NFKBID: variants seen among roughly 807,000 people sequenced by gnomAD.
NFKBID encodes NFKB inhibitor delta, also known as NF-kappa-B inhibitor delta.
A neutral mutation model predicts 53.4 loss-of-function variants in NFKBID; 26 were observed. The observed-to-expected ratio is 0.49, with a 90% confidence interval of 0.36 to 0.68. NFKBID has a LOEUF of 0.68. Among genes scored for constraint, NFKBID ranks in the 30% least tolerant of loss-of-function variants. The pLI is 0.00. For missense variants in NFKBID, 493 were observed against 614.1 expected (o/e 0.80, Z 2.08); for synonymous variants, 262 against 259.8 (o/e 1.01, Z -0.08).
chr19:35,897,899 G>T (rs1422602011), intron 3 of NFKBID, 43 bp from the exon 4 acceptor site: 2 of 1,371,818 alleles, frequency 1.5e-6, no homozygotes, highest in African/African-American at 1.4e-5. Context: ...GGTTACCAGA[G>T]TTGGGGACGT....
intron 10 of NFKBID, 82 bp from the exon 11 acceptor site, chr19:35,890,136 T>C: frequency 1.4e-6 from 2 of 1,388,400 alleles, no homozygotes; most frequent in Non-Finnish European, 2.0e-6. Context: ...TTCTGCCTTG[T>C]CTACGTCCTA....
At chr19:35,889,045 C>CAA (rs537535858) in intron 11 of NFKBID, among the ~76,000 whole-genome samples, 1 of 105,814 alleles carries the variant, frequency 9.5e-6, no homozygotes. Flanking sequence ...ACTCCGCCTC[C>CAA]AAAAAAAAAA....
intron 11 of NFKBID, among the ~76,000 whole-genome samples, chr19:35,889,129 T>G (rs1397294882): frequency 1.4e-5 from 2 of 147,686 alleles, no homozygotes; most frequent in Non-Finnish European, 3.0e-5. Flanking sequence ...GGCGGGAGGA[T>G]CAATTGAGGC....
chr19:35,902,162 C>T (rs768946174), upstream of NFKBID: 71 of 702,880 alleles, frequency 1.0e-4, no homozygotes, highest in Non-Finnish European at 1.7e-4. Flanking sequence ...GCCCAAACCT[C>T]GTCACTTTCC....
chr19:35,897,596 G>T, intron 4 of NFKBID, 55 bp downstream of exon 4: 1 of 870,446 alleles, frequency 1.1e-6, no homozygotes, highest in Non-Finnish European at 2.0e-6. Context: ...CTGCAGGAGT[G>T]CAACTGCGAA....
exon 4 of NFKBID, chr19:35,897,706 T>G (rs1266466667): frequency 1.2e-6 from 2 of 1,612,158 alleles, no homozygotes; most frequent in Non-Finnish European, 1.7e-6. Context: ...TGGGTAGAAG[T>G]CAGGAGGCAG....
chr19:35,898,458 C>A lies in NFKBID; in HGVS notation c.226+14G>T. 6.6e-7 allele frequency: 1 copy of A among 1,522,764 alleles called. No homozygotes were observed. The highest frequency in any genetic ancestry group is 8.8e-7 in the Non-Finnish European group (1 of 1,135,726). The allele number at this position is 1,522,764 out of a possible 1,614,324, so 94.3% of individuals were successfully genotyped here. On this transcript the variant is annotated intron_variant, in intron 3 of 11. Transcript: ENST00000641389. ...GGAAGGGGGATGGGGAGGCCGGGAG[C>A]TGAGAGAACTTACCAGTCACAGCCT...
intron 9 of NFKBID, 46 bp from the exon 10 acceptor site, chr19:35,890,536 G>C: frequency 7.6e-7 from 1 of 1,307,694 alleles, no homozygotes; most frequent in Non-Finnish European, 1.1e-6. Context: ...CTCACACCTA[G>C]GTGCCCTCCC....
chr19:35,889,900 C>A, exon 11 of NFKBID: 1 of 1,608,216 alleles, frequency 6.2e-7, no homozygotes, highest in Non-Finnish European at 8.5e-7. Flanking sequence ...CCCCTCAGGG[C>A]CCGGCCCGGG....
At chr19:35,898,884 G>T in intron 1 of NFKBID, 62 bp from the exon 2 acceptor site, 1 of 1,339,046 alleles carries the variant, frequency 7.5e-7, no homozygotes, top group Non-Finnish European at 1.0e-6. Flanking sequence ...ATGCCGCGGG[G>T]GTGGCGCGCG....
intron 3 of NFKBID, 107 bp downstream of exon 3, chr19:35,898,363 AAG>A: frequency 1.4e-6 from 1 of 726,832 alleles, no homozygotes; most frequent in Non-Finnish European, 2.3e-6. Flanking sequence ...AAAAAAAAAA[AAG>A]GGAAGAATGA....
chr19:35,889,573 A>G (rs1240350959), intron 11 of NFKBID, among the ~76,000 whole-genome samples: 1 of 151,658 alleles, frequency 6.6e-6, no homozygotes, highest in Non-Finnish European at 1.5e-5. Context: ...ACCCAAGGTT[A>G]GGGGCAGGGG....
chr19:35,896,477 A>G lies in NFKBID; in HGVS notation c.746T>C (p.Leu249Pro). 6.2e-7 allele frequency: 1 copy of G among 1,614,166 alleles called. No homozygotes were observed. The highest frequency in any genetic ancestry group is 2.2e-5 in the East Asian group (1 of 44,870). The stretch of plus-strand genomic sequence containing the variant: ...GTCAGCGGCATTGGGCTCTGCTCCC[A>G]GGTTCAACAGATCCTCCACAATCAG... Residue 249 changes from leucine to proline, a missense_variant, in exon 7 of 12, where the codon CTG (leucine) becomes CCG (proline). Physicochemically the swap from Leu to Pro is moderately conservative, Grantham distance 98. Coordinates refer to ENST00000641389, the Ensembl canonical transcript of NFKBID. The surrounding 1 kb of genome is among the most constrained non-coding windows in gnomAD (Gnocchi z 5.7).
At chr19:35,893,884 G>C (rs1974953964) in intron 9 of NFKBID, among the ~76,000 whole-genome samples, 1 of 151,790 alleles carries the variant, frequency 6.6e-6, no homozygotes, top group South Asian at 2.1e-4. Context: ...ATGAGTGGCT[G>C]GTTATTGATG....
At chr19:35,901,858 C>T, upstream of NFKBID, 1 of 354,590 alleles carries the variant, frequency 2.8e-6, no homozygotes, top group Non-Finnish European at 5.3e-6. Context: ...ACTGCGGTGG[C>T]CTCTCCCCTG....
intron 9 of NFKBID, 85 bp downstream of exon 9, chr19:35,895,895 C>G: frequency 7.6e-7 from 1 of 1,320,710 alleles, no homozygotes; most frequent in Non-Finnish European, 1.1e-6. Flanking sequence ...GAGGCAAAGT[C>G]AGCATTTGCC....
Position 35,896,280 on chromosome 19 carries a change from G to A in NFKBID, c.832-11C>T, listed in dbSNP as rs1266728760. On this transcript the variant is annotated splice_polypyrimidine_tract_variant and intron_variant, in intron 7 of 11. Coordinates refer to ENST00000641389, the Ensembl canonical transcript of NFKBID. This position sits in a 1 kb window ranked among gnomAD's most constrained non-coding sequence, Gnocchi z 5.7. ...AGAGTTAAGCACAGCCTGGGAGGAAGAGAAGGCAGACTGCTGGGTAAGGGT... is the reference window on the plus strand; with the variant it reads ...AGAGTTAAGCACAGCCTGGGAGGAAAAGAAGGCAGACTGCTGGGTAAGGGT... 2 of 1,614,182 alleles carry A rather than the reference G, an allele frequency of 1.2e-6. No individual in the cohort carries two copies. Among genetic ancestry groups the A allele is most frequent in the Non-Finnish European group, 1.7e-6 (2 of 1,180,022 alleles).
chr19:35,896,789 T>C lies in NFKBID; in HGVS notation c.621A>G (p.Ala207=). Reference sequence around the variant, plus strand: ...CCTGGAGCACCTCAGCCGCAGCATATGCCGCCCAGCGCAGCCCCCGAGCCG... The same window carrying C: ...CCTGGAGCACCTCAGCCGCAGCATACGCCGCCCAGCGCAGCCCCCGAGCCG... Residue 207 remains alanine (A), a synonymous_variant, in exon 6 of 12, where the codon GCA becomes GCG. Coordinates refer to ENST00000641389, the Ensembl canonical transcript of NFKBID. This position sits in a 1 kb window ranked among gnomAD's most constrained non-coding sequence, Gnocchi z 5.7. 6.2e-7 allele frequency: 1 copy of C among 1,613,946 alleles called. No individual in the cohort carries two copies. The highest frequency in any genetic ancestry group is 8.5e-7 in the Non-Finnish European group (1 of 1,179,888).
At position 35,898,761 on chromosome 19, in the gene NFKBID, CT is replaced by C; in HGVS notation, c.122del (p.Gln41ArgfsTer26). On this transcript the variant is annotated frameshift_variant, in exon 2 of 12. Coordinates refer to ENST00000641389, the Ensembl canonical transcript of NFKBID. LOFTEE classifies it high-confidence loss of function. ...CGGGCTGCTGCTGCTGGCGGCGCCT[CT>C]GCTCTTCCAGAAGCTTCTTCACGGT... 1.3e-6 allele frequency: 2 copies of C among 1,536,114 alleles called. No individual in the cohort carries two copies. The highest frequency in any genetic ancestry group is 1.7e-6 in the Non-Finnish European group (2 of 1,146,880).
Sources: allele counts gnomAD v4.1 joint callset (sites outside exome capture counted in the v4.1 genomes callset), GRCh38; gene constraint gnomAD v4.1.1; non-coding constraint Gnocchi (gnomAD v3.1); transcripts MANE v1.5; gene names NCBI Gene and HGNC (gene_info 2026-07-23, HGNC 2026-07-21).